Variants in UPF2 observed in about 807,000 individuals in gnomAD.
The protein encoded by UPF2 is regulator of nonsense transcripts 2.
In UPF2, 17 loss-of-function variants were observed where a neutral mutation model predicts 141.4. That is an observed-to-expected ratio of 0.12 (90% CI 0.08 to 0.18). The LOEUF (loss-of-function observed/expected upper bound fraction) is 0.18. Among genes scored for constraint, UPF2 ranks in the 10% least tolerant of loss-of-function variants. UPF2 has a pLI of 1.00. For synonymous variants in UPF2, 540 were observed against 498.0 expected (o/e 1.08, Z -1.12); for missense variants, 1,152 against 1,515.9 (o/e 0.76, Z 3.99).
At chr10:12,013,737 A>G (rs960574119) in intron 4 of UPF2, among the ~76,000 whole-genome samples, 10 of 152,172 alleles carry the variant, frequency 6.6e-5, no homozygotes, top group African/African-American at 2.4e-4. Context: ...AAGGTTATCA[A>G]TAGGTTTTAA....
chr10:11,921,108 C>T lies in UPF2; in HGVS notation c.*190G>A, dbSNP rs575337604. On this transcript the variant is annotated 3_prime_UTR_variant, in exon 22 of 22. Coordinates refer to ENST00000357604, the MANE Select transcript of UPF2 (RefSeq NM_015542.4). The surrounding 1 kb of genome is among the most constrained non-coding windows in gnomAD (Gnocchi z 5.9). ...AGGCCTTTTCCGCCTTGTCTGGAAG[C>T]GTCGGCTTGTTCCGGTGTTGGCAGA... 2.2e-5 allele frequency: 18 copies of T among 813,642 alleles called. No individual in the cohort carries two copies. The highest frequency in any genetic ancestry group is 8.1e-5 in the South Asian group (6 of 74,466). The allele number at this position is 813,642 out of a possible 1,614,324, so 50.4% of individuals were successfully genotyped here.
chr10:11,964,535 T>C (rs1399548792), intron 10 of UPF2, among the ~76,000 whole-genome samples: 1 of 152,194 alleles, frequency 6.6e-6, no homozygotes, highest in Non-Finnish European at 1.5e-5. Flanking sequence ...CATTTTAGTA[T>C]TTACCCTCCT....
At chr10:11,963,355 C>CATTCATTCATTT (rs369200355) in intron 11 of UPF2, among the ~76,000 whole-genome samples, 2,462 of 152,234 alleles carry the variant, frequency 0.016, 31 homozygotes, top group Middle Eastern at 0.027. Context: ...TTCATTCATT[C>CATTCATTCATTT]GAGACAGGGT....
chr10:12,010,885 C>T (rs560466077), intron 4 of UPF2, among the ~76,000 whole-genome samples: 1 of 151,914 alleles, frequency 6.6e-6, no homozygotes, highest in Non-Finnish European at 1.5e-5. Flanking sequence ...AAGGTAGGAG[C>T]ATTCTTGATG....
Position 12,002,036 on chromosome 10 carries a change from C to G in UPF2, c.1505-211G>C, listed in dbSNP as rs112420749. 3.0e-3 allele frequency among the ~76,000 whole-genome samples: 459 copies of G among 152,156 alleles called. 4 individuals carry two copies. The highest frequency in any genetic ancestry group is 0.011 in the African/African-American group (444 of 41,510). On this transcript the variant is annotated intron_variant, in intron 5 of 21. Transcript: ENST00000357604. ...CTGTAATCCCAGCACTTTGGGAGGC[C>G]GAGGAGGGAGGATCACCTGAGGTCA...
At chr10:11,938,389 A>T (rs1832880480) in intron 18 of UPF2, among the ~76,000 whole-genome samples, 1 of 152,048 alleles carries the variant, frequency 6.6e-6, no homozygotes, top group Non-Finnish European at 1.5e-5. Context: ...TTATAAAGAG[A>T]ATTACTTACT....
intron 18 of UPF2, among the ~76,000 whole-genome samples, chr10:11,938,243 T>C (rs1033089148): frequency 1.3e-4 from 20 of 152,196 alleles, no homozygotes; most frequent in African/African-American, 4.1e-4. Context: ...ATCTTTCTCT[T>C]TGAGTATATA....
Position 11,962,203 on chromosome 10 carries a change from C to A in UPF2, c.2184+1806G>T, listed in dbSNP as rs1833252357. ...CCCCACACACGCACACTCACACATA[C>A]CCCAAACTAATTTTAACATTAGCCA... On this transcript the variant is annotated intron_variant, in intron 11 of 21. Transcript: ENST00000357604. Among the ~76,000 whole-genome samples, 5 of 152,182 alleles carry A rather than the reference C, an allele frequency of 3.3e-5. No individual in the cohort carries two copies. In the South Asian group the frequency reaches 1.0e-3, roughly 32 times the overall value.
At chr10:12,037,674 G>C (rs1026308839) in intron 1 of UPF2, among the ~76,000 whole-genome samples, 2 of 151,972 alleles carry the variant, frequency 1.3e-5, no homozygotes, top group African/African-American at 2.4e-5. Context: ...TTACAAGCAT[G>C]AGCCACAGTG....
chr10:11,978,018 ACTCT>A (rs751511723), intron 9 of UPF2, among the ~76,000 whole-genome samples: 1 of 151,990 alleles, frequency 6.6e-6, no homozygotes, highest in African/African-American at 2.4e-5. Context: ...TCTGCAAGAG[ACTCT>A]CTCCTTCCTT....
Position 11,936,525 on chromosome 10 carries a change from C to T in UPF2, c.3546+20G>A. 1.3e-6 allele frequency: 2 copies of T among 1,575,720 alleles called. No individual in the cohort carries two copies. The highest frequency in any genetic ancestry group is 1.7e-6 in the Non-Finnish European group (2 of 1,161,908). On this transcript the variant is annotated intron_variant, in intron 19 of 21. Coordinates refer to ENST00000357604, the MANE Select transcript of UPF2 (RefSeq NM_015542.4). This position sits in a 1 kb window ranked among gnomAD's most constrained non-coding sequence, Gnocchi z 6.6. ...TATAACTCACAATCAGCTATAATTA[C>T]AGGGCGGGCAGTTTCTTACCTGCTG...
chr10:12,012,102 G>C (rs1834138212), intron 4 of UPF2, among the ~76,000 whole-genome samples: 1 of 147,098 alleles, frequency 6.8e-6, no homozygotes, highest in Non-Finnish European at 1.5e-5. Context: ...ACGGAGTCTT[G>C]CCCAGGCTGG....
chr10:11,937,204 T>G (rs1306049989), intron 18 of UPF2, among the ~76,000 whole-genome samples: 1 of 152,254 alleles, frequency 6.6e-6, no homozygotes, highest in Non-Finnish European at 1.5e-5. Flanking sequence ...ATTCCTTGGT[T>G]GGTAATATCA....
rs998475505 is a variant in UPF2 at position 12,035,214 on chromosome 10, C to T, written c.210G>A (p.Lys70=). 2 of 1,612,930 alleles carry T rather than the reference C, an allele frequency of 1.2e-6. No homozygotes were observed. Among genetic ancestry groups the T allele is most frequent in the Non-Finnish European group, 1.7e-6 (2 of 1,179,848 alleles). ...LEDDKRKKED[K]ERKKKDEEKV... is the part of the protein sequence containing the mutation. ...TTTCTTCGTCTTTTTTCTTGCGTTC[C>T]TTGTCTTCCTTTTTTCTCTTATCAT... Residue 70 remains lysine (K), a synonymous_variant, in exon 2 of 22, where the codon AAG becomes AAA. Coordinates refer to ENST00000357604, the MANE Select transcript of UPF2 (RefSeq NM_015542.4).
intron 9 of UPF2, 85 bp from the exon 10 acceptor site, chr10:11,967,539 C>A: frequency 2.1e-4 from 114 of 538,952 alleles, no homozygotes; most frequent in Non-Finnish European, 3.1e-4. Flanking sequence ...CATTCGAATT[C>A]ACTCCAGTTT....
intron 8 of UPF2, among the ~76,000 whole-genome samples, chr10:11,991,248 G>C (rs1267546965): frequency 6.6e-6 from 1 of 152,002 alleles, no homozygotes; most frequent in African/African-American, 2.4e-5. Flanking sequence ...ACTAAAAGAA[G>C]AAATGAGAAA....
At position 12,019,164 on chromosome 10, in the gene UPF2, A is replaced by G. The variant is rs1422019111; in HGVS notation, c.1146-4980T>C. Among the ~76,000 whole-genome samples the G allele has an allele frequency of 1.3e-5, 2 of 152,228 alleles. No individual in the cohort carries two copies. The highest frequency in any genetic ancestry group is 2.9e-5 in the Non-Finnish European group (2 of 68,036). On this transcript the variant is annotated intron_variant, in intron 3 of 21. Transcript: ENST00000357604. This position sits in a 1 kb window ranked among gnomAD's most constrained non-coding sequence, Gnocchi z 4.5. ...GAATGTCATAAAGTAGAGGTCAGCA[A>G]ACTTTTTCTGTAAAGGGCCATACAA... is the stretch of plus-strand genomic sequence containing the variant.
At chr10:11,923,238 T>C (rs537139604) in intron 21 of UPF2, 3 of 152,220 alleles carry the variant, frequency 2.0e-5, no homozygotes, top group Non-Finnish European at 4.4e-5. Context: ...AAGACTAGCA[T>C]GGCCCTGTGC....
rs1833955939 is a variant in UPF2, at chr10:12,001,732, T to C, written c.1598A>G (p.Glu533Gly). ...TTCAGCTTCATCTCCACCCTCTAAT[T>C]CTAAGGTGTCATCATTAATTTCTAG... ...ENLEINDDTL[E>G]LEGGDEAEDL... The change falls in exon 6 of 22, where the codon GAA (glutamate) becomes GGA (glycine). Residue 533 changes from glutamate (E) to glycine (G), a missense_variant. Around this residue, in one of 4 missense-constraint regions of UPF2, gnomAD observed 739 missense variants for 1,032.2 expected, o/e 0.72. Coordinates refer to ENST00000357604, the MANE Select transcript of UPF2 (RefSeq NM_015542.4). 2 of 1,613,312 alleles carry C rather than the reference T, an allele frequency of 1.2e-6. No individual in the cohort carries two copies. Among genetic ancestry groups the C allele is most frequent in the Non-Finnish European group, 1.7e-6 (2 of 1,179,768 alleles).
Sources: allele counts gnomAD v4.1 joint callset (sites outside exome capture counted in the v4.1 genomes callset), GRCh38; gene constraint gnomAD v4.1.1; regional missense constraint gnomAD v4.1.1; non-coding constraint Gnocchi (gnomAD v3.1); transcripts MANE v1.5; gene names NCBI Gene and HGNC (gene_info 2026-07-23, HGNC 2026-07-21).